ZEB2: variants seen among roughly 807,000 people sequenced by gnomAD.
ZEB2 encodes the protein zinc finger E-box-binding homeobox 2.
ZEB2 carries 6 observed loss-of-function variants against 99.9 expected under a neutral mutation model. The observed-to-expected ratio is 0.06, with a 90% confidence interval of 0.03 to 0.12. The LOEUF (loss-of-function observed/expected upper bound fraction) is 0.12. Ranked by LOEUF, ZEB2 falls within the 10% of genes least tolerant of loss-of-function variation. The pLI is 1.00. For missense variants in ZEB2, 969 were observed against 1,502.8 expected (o/e 0.64, Z 5.87); for synonymous variants, 517 against 542.5 (o/e 0.95, Z 0.65).
At chr2:144,390,148 A>G in intron 9 of ZEB2, 120 bp from the exon 10 acceptor site, 1 of 1,052,780 alleles carries the variant, frequency 9.5e-7, no homozygotes, top group South Asian at 1.3e-5. Flanking sequence ...TGAAAGATCA[A>G]CACACCCCGG....
At chr2:144,448,447 G>C (rs545529174) in intron 2 of ZEB2, among the ~76,000 whole-genome samples, 1 of 152,288 alleles carries the variant, frequency 6.6e-6, no homozygotes, top group East Asian at 1.9e-4. Flanking sequence ...TGGTGAAATT[G>C]AGTTTTCCAC....
At chr2:144,490,347 CTAT>C (rs1156313584) in intron 2 of ZEB2, among the ~76,000 whole-genome samples, 6 of 152,134 alleles carry the variant, frequency 3.9e-5, no homozygotes, top group Non-Finnish European at 8.8e-5. Context: ...GGGAGCTGTA[CTAT>C]TATTATTAAT....
chr2:144,513,090 G>A (rs992827844), intron 2 of ZEB2: 2 of 1,287,084 alleles, frequency 1.6e-6, no homozygotes, highest in Non-Finnish European at 2.0e-6. Flanking sequence ...ACCTCTCAGG[G>A]AGGAGAGCTA....
At chr2:144,513,697 G>C (rs1705082361) in intron 2 of ZEB2, 1 of 1,535,720 alleles carries the variant, frequency 6.5e-7, no homozygotes, top group South Asian at 1.2e-5. Flanking sequence ...GCCCGAATCA[G>C]GGGCAAAAGC....
Position 144,520,115 on chromosome 2 carries a change from G to C in ZEB2, c.-246C>G, listed in dbSNP as rs1406006835. 2.2e-6 allele frequency: 1 copy of C among 454,422 alleles called. No individual in the cohort carries two copies. The highest frequency in any genetic ancestry group is 1.6e-5 in the South Asian group (1 of 64,480). The allele number at this position is 454,422 out of a possible 1,614,324, so 28.1% of individuals were successfully genotyped here. A position where few individuals can be genotyped will look rare whatever the true frequency, so the allele number is the denominator to read the frequency against. On this transcript the variant is annotated 5_prime_UTR_variant, in exon 1 of 10. Transcript: ENST00000627532. ...ACCGTTATTCCTGCAGAGCAGGTTA[G>C]AACTGATCTCTTTCGGCCACTCCAG... is the stretch of plus-strand genomic sequence containing the variant.
At chr2:144,502,762 G>C (rs557819554) in intron 2 of ZEB2, among the ~76,000 whole-genome samples, 1 of 151,976 alleles carries the variant, frequency 6.6e-6, no homozygotes, top group South Asian at 2.1e-4. Flanking sequence ...TCTGGAACAG[G>C]GATTTTCATA....
intron 9 of ZEB2, among the ~76,000 whole-genome samples, chr2:144,393,434 T>C (rs1238264733): frequency 6.6e-6 from 1 of 152,230 alleles, no homozygotes; most frequent in Non-Finnish European, 1.5e-5. Flanking sequence ...GACACATTCA[T>C]AATCAATGCA....
chr2:144,513,706 G>A (rs1469296258), intron 2 of ZEB2: 3 of 1,535,956 alleles, frequency 2.0e-6, no homozygotes, highest in East Asian at 2.4e-5. Flanking sequence ...AGGGGCAAAA[G>A]CAACAAACTT....
intron 2 of ZEB2, among the ~76,000 whole-genome samples, chr2:144,510,922 T>C (rs537479280): frequency 6.6e-6 from 1 of 152,302 alleles, no homozygotes; most frequent in South Asian, 2.1e-4. Context: ...AGTGAAATCA[T>C]ACCTAAGGCA....
At chr2:144,390,506 T>A (rs143728095) in intron 9 of ZEB2, 70 of 232,756 alleles carry the variant, frequency 3.0e-4, no homozygotes, top group African/African-American at 1.5e-3. Context: ...TGAAAGGGGA[T>A]CTTAGGTCTT....
At chr2:144,410,568 G>C (rs554515639) in intron 4 of ZEB2, among the ~76,000 whole-genome samples, 1 of 152,226 alleles carries the variant, frequency 6.6e-6, no homozygotes. Context: ...CTTTCTCAAA[G>C]ATACTTAAAA....
intron 5 of ZEB2, 118 bp downstream of exon 5, chr2:144,404,718 T>A: frequency 7.6e-7 from 1 of 1,310,996 alleles, no homozygotes; most frequent in Non-Finnish European, 1.0e-6. Context: ...CTCATGAAAT[T>A]CCATGCCTCT....
Position 144,388,427 on chromosome 2 carries a change from C to T in ZEB2, c.*1024G>A, listed in dbSNP as rs1703111255. On this transcript the variant is annotated 3_prime_UTR_variant, in exon 10 of 10. Coordinates refer to ENST00000627532, the MANE Select transcript of ZEB2 (RefSeq NM_014795.4). This position sits in a 1 kb window ranked among gnomAD's most constrained non-coding sequence, Gnocchi z 5.4. ...TATTGAAGAACTATAATACTGTACA[C>T]TACAGTATGAAATAAATAAAATTAG... 6.5e-6 allele frequency: 1 copy of T among 154,058 alleles called. No homozygotes were observed. The highest frequency in any genetic ancestry group is 2.0e-4 in the South Asian group (1 of 4,986). 9.5% of individuals were successfully genotyped at this position (154,058 alleles called of 1,614,324 possible). A position where few individuals can be genotyped will look rare whatever the true frequency, so the allele number is the denominator to read the frequency against.
intron 2 of ZEB2, chr2:144,470,471 A>C (rs577963594): frequency 9.2e-5 from 14 of 152,144 alleles, no homozygotes; most frequent in Non-Finnish European, 2.1e-4. Context: ...ATTTGTAATA[A>C]ATGTTCTGCC....
chr2:144,510,851 C>T (rs1205453459), intron 2 of ZEB2, among the ~76,000 whole-genome samples: 1 of 152,160 alleles, frequency 6.6e-6, no homozygotes, highest in African/African-American at 2.4e-5. Context: ...GGGATGTTTA[C>T]TGGGAGAGAC....
chr2:144,497,731 GTAGTCCAGGCCTTTTC>G (rs1187335986), intron 2 of ZEB2: 12 of 164,470 alleles, frequency 7.3e-5, no homozygotes, highest in Admixed American at 5.6e-4. Context: ...GGACAGGCAT[GTAGTCCAGGCCTTTTC>G]TGACAATCTT....
intron 2 of ZEB2, among the ~76,000 whole-genome samples, chr2:144,505,680 C>T (rs933284708): frequency 6.6e-6 from 1 of 152,162 alleles, no homozygotes; most frequent in Non-Finnish European, 1.5e-5. Flanking sequence ...CTGCATTTAT[C>T]ACTCTGTCCC....
rs1484531426 is a variant in ZEB2, at chr2:144,403,998, G to A, written c.725C>T (p.Ser242Phe). ...AAACGTGTAGCTACAGAGAGGGCAGGAAAAGTTCTCTTCATTCTTCTCGTG... is the reference window on the plus strand; with the variant it reads ...AAACGTGTAGCTACAGAGAGGGCAGAAAAAGTTCTCTTCATTCTTCTCGTG... ...YRHEKNEENF[S>F]CPLCSYTFAY... Residue 242 changes from serine (S) to phenylalanine (F), a missense_variant, in exon 6 of 10, where the codon TCC becomes TTC. By Grantham distance (155) the Ser-to-Phe change is radical (BLOSUM62 -2). This residue lies in a region of ZEB2 where 65 missense variants were observed against 147.7 expected (regional missense o/e 0.44). Transcript: ENST00000627532. 7.4e-6 allele frequency: 12 copies of A among 1,614,156 alleles called. No individual in the cohort carries two copies. Among genetic ancestry groups the A allele is most frequent in the Non-Finnish European group, 1.0e-5 (12 of 1,180,028 alleles).
chr2:144,463,769 G>C (rs1170330149), intron 2 of ZEB2: 1 of 152,078 alleles, frequency 6.6e-6, no homozygotes, highest in African/African-American at 2.4e-5. Flanking sequence ...TGAGGTCAAG[G>C]CTGCAGTGAA....
Sources: allele counts gnomAD v4.1 joint callset (sites outside exome capture counted in the v4.1 genomes callset), GRCh38; gene constraint gnomAD v4.1.1; regional missense constraint gnomAD v4.1.1; non-coding constraint Gnocchi (gnomAD v3.1); transcripts MANE v1.5; gene names NCBI Gene and HGNC (gene_info 2026-07-23, HGNC 2026-07-21).